The following TNNI3K variants were observed in gnomAD, a reference collection of about 807,000 sequenced individuals.
The protein encoded by TNNI3K is serine/threonine-protein kinase TNNI3K.
In TNNI3K, 140 loss-of-function variants were observed where a neutral mutation model predicts 114.5. The ratio of observed to expected loss-of-function variants is 1.22; its 90% confidence interval spans 1.07 to 1.41. The LOEUF is 1.41. Among genes scored for constraint, TNNI3K ranks in the 40% most tolerant of loss-of-function variants. The probability of loss-of-function intolerance (pLI) is 0.00; values close to 1 mark genes in which losing one functional copy is unlikely to be tolerated. For missense variants in TNNI3K, 1,125 were observed against 1,007.6 expected (o/e 1.12, Z -1.58); for synonymous variants, 347 against 347.5 (o/e 1.00, Z 0.02).
chr1:74,501,669 A>G (rs997383682), intron 23 of TNNI3K, among the ~76,000 whole-genome samples: 1 of 152,006 alleles, frequency 6.6e-6, no homozygotes, highest in Non-Finnish European at 1.5e-5. Flanking sequence ...GTACTTTTTT[A>G]GTAGAGACGG....
At chr1:74,356,372 T>C (rs1287319339) in intron 11 of TNNI3K, among the ~76,000 whole-genome samples, 1 of 152,230 alleles carries the variant, frequency 6.6e-6, no homozygotes, top group Admixed American at 6.5e-5. Flanking sequence ...GTTGAATATA[T>C]GGTTGCATTT....
intron 23 of TNNI3K, among the ~76,000 whole-genome samples, chr1:74,509,466 GT>G (rs1467672039): frequency 6.6e-6 from 1 of 152,080 alleles, no homozygotes; most frequent in Non-Finnish European, 1.5e-5. Flanking sequence ...AAATTTATTG[GT>G]TTTACACAAA....
intron 21 of TNNI3K, chr1:74,480,905 G>A: frequency 1.4e-6 from 1 of 717,422 alleles, no homozygotes; most frequent in Middle Eastern, 2.3e-4. Context: ...AGACAGGTTT[G>A]TGCTCTCAAT....
chr1:74,324,264 C>T (rs1315254267), intron 5 of TNNI3K, among the ~76,000 whole-genome samples: 1 of 152,208 alleles, frequency 6.6e-6, no homozygotes, highest in Admixed American at 6.5e-5. Context: ...TATTTTCCTA[C>T]AAGGAGGGTC....
chr1:74,497,988 G>A (rs959182194), intron 23 of TNNI3K, among the ~76,000 whole-genome samples: 1 of 151,886 alleles, frequency 6.6e-6, no homozygotes, highest in African/African-American at 2.4e-5. Context: ...AGGCTTTTTT[G>A]TTTGTTTGTT....
chr1:74,397,175 T>G (rs1664128383), intron 17 of TNNI3K, among the ~76,000 whole-genome samples: 1 of 145,128 alleles, frequency 6.9e-6, no homozygotes, highest in African/African-American at 2.5e-5. Flanking sequence ...AGAAACCGAG[T>G]ATGAGGGAGA....
intron 5 of TNNI3K, among the ~76,000 whole-genome samples, chr1:74,286,151 A>G (rs957210766): frequency 6.6e-6 from 1 of 152,178 alleles, no homozygotes; most frequent in Non-Finnish European, 1.5e-5. Context: ...TATGCAGTTC[A>G]GTACAAATAG....
rs552041006 is a variant in TNNI3K at position 74,338,208 on chromosome 1, A to G, written c.682+2059A>G. Among the ~76,000 whole-genome samples the G allele has an allele frequency of 3.3e-5, 5 of 152,074 alleles. No homozygotes were observed. The South Asian group carries it at 1.0e-3, about 32-fold the overall frequency. The stretch of plus-strand genomic sequence containing the variant: ...TATATGAGAATTTCAGTTGCTTCCC[A>G]CAGCATCCCCAATATTTGATATTAT... On this transcript the variant is annotated intron_variant, in intron 7 of 24. Coordinates refer to ENST00000326637, the MANE Select transcript of TNNI3K (RefSeq NM_015978.3).
intron 17 of TNNI3K, among the ~76,000 whole-genome samples, chr1:74,405,223 C>T (rs551739544): frequency 5.0e-4 from 76 of 151,996 alleles, no homozygotes; most frequent in Middle Eastern, 3.4e-3. Context: ...GCATTAGAGA[C>T]GGGGGAGCAT....
intron 23 of TNNI3K, among the ~76,000 whole-genome samples, chr1:74,506,796 T>G (rs1368170904): frequency 6.6e-6 from 1 of 152,188 alleles, no homozygotes; most frequent in Non-Finnish European, 1.5e-5. Flanking sequence ...CTTTCTAGAT[T>G]TTTTTCCTTC....
At chr1:74,428,366 C>G (rs1325085533) in intron 17 of TNNI3K, among the ~76,000 whole-genome samples, 2 of 152,032 alleles carry the variant, frequency 1.3e-5, no homozygotes, top group Non-Finnish European at 2.9e-5. Context: ...TCAAGGCAAT[C>G]TATATGAAGT....
rs148088326 is a variant in TNNI3K at position 74,495,860 on chromosome 1, T to C, written c.2351+3594T>C. The stretch of plus-strand genomic sequence containing the variant: ...TCAATCTGTGAATAACTTCGACTAT[T>C]TCTCCCAAGCCTGCCTTTTCAGCTT... On this transcript the variant is annotated intron_variant, in intron 23 of 24. Transcript: ENST00000326637. Among the ~76,000 whole-genome samples the C allele has an allele frequency of 4.2e-3, 643 of 152,298 alleles. 4 individuals are homozygous for C. The highest frequency in any genetic ancestry group is 0.017 in the Middle Eastern group (5 of 294).
chr1:74,292,797 A>G (rs561517282), intron 5 of TNNI3K, among the ~76,000 whole-genome samples: 7 of 151,560 alleles, frequency 4.6e-5, no homozygotes, highest in Non-Finnish European at 7.4e-5. Flanking sequence ...ATTTTTCACC[A>G]TGATTGTAGA....
intron 5 of TNNI3K, among the ~76,000 whole-genome samples, chr1:74,301,635 T>TG (rs1217411125): frequency 1.3e-5 from 2 of 152,180 alleles, no homozygotes; most frequent in African/African-American, 4.8e-5. Context: ...GTGACCCTAA[T>TG]GTAACAGAGC....
rs141298098 is a variant in TNNI3K at position 74,306,977 on chromosome 1, G to A, written c.445-24473G>A. Among the ~76,000 whole-genome samples, 707 of 152,082 alleles carry A rather than the reference G, an allele frequency of 4.6e-3. 7 individuals are homozygous for A. Among genetic ancestry groups the A allele is most frequent in the Middle Eastern group, 0.044 (13 of 294 alleles). ...AGTTTTTAACCAGGTCTTCTCATAG[G>A]GCTTTTATAGTTTAAGGTCTTACAC... On this transcript the variant is annotated intron_variant, in intron 5 of 24. Transcript: ENST00000326637.
chr1:74,483,159 C>A, intron 21 of TNNI3K: 1 of 639,820 alleles, frequency 1.6e-6, no homozygotes, highest in South Asian at 1.8e-5. Flanking sequence ...TAAAGGGTTA[C>A]CTCTTAAGCT....
At chr1:74,333,983 C>A (rs547307134) in intron 6 of TNNI3K, among the ~76,000 whole-genome samples, 217 of 152,276 alleles carry the variant, frequency 1.4e-3, no homozygotes, top group African/African-American at 5.1e-3. Flanking sequence ...TGCCCATTAG[C>A]CAACAAAGAG....
intron 23 of TNNI3K, among the ~76,000 whole-genome samples, chr1:74,529,351 A>G (rs1381730612): frequency 6.6e-6 from 1 of 152,176 alleles, no homozygotes; most frequent in Non-Finnish European, 1.5e-5. Context: ...GAATCTAATC[A>G]TTAGGAAACC....
intron 20 of TNNI3K, among the ~76,000 whole-genome samples, chr1:74,444,899 A>G (rs1013109424): frequency 5.9e-5 from 9 of 152,230 alleles, no homozygotes; most frequent in Admixed American, 3.9e-4. Flanking sequence ...ATCTATAACC[A>G]TCTGATCTTT....
Sources: allele counts gnomAD v4.1 joint callset (sites outside exome capture counted in the v4.1 genomes callset), GRCh38; gene constraint gnomAD v4.1.1; transcripts MANE v1.5; gene names NCBI Gene and HGNC (gene_info 2026-07-23, HGNC 2026-07-21).